Variants in TMEM123 observed in about 807,000 individuals in gnomAD.
The protein encoded by TMEM123 is transmembrane protein 123.
A neutral mutation model predicts 19.7 loss-of-function variants in TMEM123; 16 were observed. The ratio of observed to expected loss-of-function variants is 0.81; its 90% CI spans 0.55 to 1.23. The LOEUF is 1.23. Ranked by LOEUF, TMEM123 falls within the 50% of genes most tolerant of loss-of-function variation. TMEM123 has a pLI of 0.00. For synonymous variants in TMEM123, 118 were observed against 99.4 expected, an observed-to-expected ratio of 1.19 and a Z score of -1.12; for missense variants, 313 against 257.8, an observed-to-expected ratio of 1.21 and a Z score of -1.47.
chr11:102,413,473 AC>A (rs1246022355), intron 2 of TMEM123, among the ~76,000 whole-genome samples: 2 of 152,042 alleles, frequency 1.3e-5, no homozygotes, highest in Non-Finnish European at 2.9e-5. Context: ...TTTTGCTGGC[AC>A]CCCCACATTG....
intron 2 of TMEM123, among the ~76,000 whole-genome samples, chr11:102,429,886 T>C (rs1225541711): frequency 1.3e-5 from 2 of 152,188 alleles, no homozygotes; most frequent in African/African-American, 2.4e-5. Flanking sequence ...CAGATGCTCC[T>C]GCCTTGCCAA....
chr11:102,448,667 C>G (rs1857907869), intron 2 of TMEM123, 145 bp downstream of exon 2: 1 of 697,084 alleles, frequency 1.4e-6, no homozygotes, highest in African/African-American at 1.8e-5. Context: ...CTATAGGGCA[C>G]TAGGGCAGGT....
chr11:102,412,115 C>G (rs1016304000), intron 2 of TMEM123, among the ~76,000 whole-genome samples: 1 of 152,156 alleles, frequency 6.6e-6, no homozygotes, highest in South Asian at 2.1e-4. Flanking sequence ...CCAGTCTATA[C>G]ATCATATTAA....
intron 2 of TMEM123, among the ~76,000 whole-genome samples, chr11:102,405,501 G>A (rs1383539213): frequency 6.6e-6 from 1 of 152,098 alleles, no homozygotes; most frequent in Non-Finnish European, 1.5e-5. Context: ...ATGTTCTATA[G>A]AGATATAAGT....
At chr11:102,419,538 T>A (rs1312627427) in intron 2 of TMEM123, among the ~76,000 whole-genome samples, 3 of 152,212 alleles carry the variant, frequency 2.0e-5, no homozygotes, top group Non-Finnish European at 4.4e-5. Flanking sequence ...GGCAACTGCG[T>A]GTCCAGTCTG....
chr11:102,397,989 A>G lies in TMEM123; in HGVS notation c.*878T>C, dbSNP rs1339237379. The G allele has an allele frequency of 1.3e-5, 2 of 152,212 alleles. No individual in the cohort carries two copies. Among genetic ancestry groups the G allele is most frequent in the African/African-American group, 2.4e-5 (1 of 41,466 alleles). 9.4% of individuals were successfully genotyped at this position (152,212 alleles called of 1,614,324 possible). A position where few individuals can be genotyped will look rare whatever the true frequency, so the allele number is the denominator to read the frequency against. On this transcript the variant is annotated 3_prime_UTR_variant, in exon 5 of 5. Coordinates refer to ENST00000398136, the MANE Select transcript of TMEM123 (RefSeq NM_052932.3). ...CTACAGTTCTTAAAATATTCACAAA[A>G]TATAAAATTAAAATTAAATGAACTA...
At chr11:102,441,318 A>G (rs1246603402) in intron 2 of TMEM123, among the ~76,000 whole-genome samples, 4 of 152,224 alleles carry the variant, frequency 2.6e-5, no homozygotes, top group African/African-American at 9.6e-5. Context: ...GCAAATGTAA[A>G]AGAACAGAAA....
At position 102,452,665 on chromosome 11, in the gene TMEM123, C is replaced by CGAG; in HGVS notation, c.-45_-43dup. 1 of 1,397,644 alleles carries CGAG rather than the reference C, an allele frequency of 7.2e-7. No homozygotes were observed. The highest frequency in any genetic ancestry group is 9.4e-7 in the Non-Finnish European group (1 of 1,064,908). The allele number at this position is 1,397,644 out of a possible 1,614,324, so 86.6% of individuals were successfully genotyped here. A position where few individuals can be genotyped will look rare whatever the true frequency, so the allele number is the denominator to read the frequency against. On this transcript the variant is annotated 5_prime_UTR_variant, in exon 1 of 5. Transcript: ENST00000398136. Reference sequence around the variant, plus strand: ...TGCGGCAGCCTCGTGGGCTCCCAGCCGAGGTGGCGGCGGCGAGAGCGGCTC... The same window carrying CGAG: ...TGCGGCAGCCTCGTGGGCTCCCAGCCGAGGAGGTGGCGGCGGCGAGAGCGGCTC...
chr11:102,435,937 C>T (rs1013957564), intron 2 of TMEM123, among the ~76,000 whole-genome samples: 32 of 151,530 alleles, frequency 2.1e-4, no homozygotes, highest in Non-Finnish European at 4.0e-4. Context: ...TGAAACTGTT[C>T]GAAACTTGAC....
At chr11:102,447,374 T>TA (rs1464444151) in intron 2 of TMEM123, among the ~76,000 whole-genome samples, 1 of 152,240 alleles carries the variant, frequency 6.6e-6, no homozygotes, top group Non-Finnish European at 1.5e-5. Context: ...ATGTGACACT[T>TA]AGTGTCATGT....
chr11:102,427,157 T>A (rs1952135821), intron 2 of TMEM123, among the ~76,000 whole-genome samples: 1 of 151,636 alleles, frequency 6.6e-6, no homozygotes, highest in Non-Finnish European at 1.5e-5. Flanking sequence ...TCTAGCTAGC[T>A]CACTGACAAA....
intron 2 of TMEM123, among the ~76,000 whole-genome samples, chr11:102,420,076 CA>C (rs1383879477): frequency 6.6e-6 from 1 of 152,142 alleles, no homozygotes; most frequent in Non-Finnish European, 1.5e-5. Flanking sequence ...TATGCACAAA[CA>C]TGAATTATAT....
chr11:102,410,614 A>G (rs1009025902), intron 2 of TMEM123, among the ~76,000 whole-genome samples: 3 of 151,900 alleles, frequency 2.0e-5, no homozygotes, highest in African/African-American at 7.3e-5. Flanking sequence ...TCATCCTGGC[A>G]TCCTTGCTCT....
chr11:102,428,393 C>A (rs1318281238), intron 2 of TMEM123, among the ~76,000 whole-genome samples: 1 of 152,082 alleles, frequency 6.6e-6, no homozygotes, highest in Non-Finnish European at 1.5e-5. Flanking sequence ...CCTCCACCTC[C>A]AGGGTTTAAG....
At chr11:102,434,153 T>C (rs934961126) in intron 2 of TMEM123, among the ~76,000 whole-genome samples, 2 of 151,934 alleles carry the variant, frequency 1.3e-5, no homozygotes, top group African/African-American at 4.8e-5. Context: ...TTTTAATTTT[T>C]TGAGGAACTT....
At chr11:102,401,415 G>A in intron 4 of TMEM123, 124 bp downstream of exon 4, 1 of 863,230 alleles carries the variant, frequency 1.2e-6, no homozygotes, top group Non-Finnish European at 1.6e-6. Context: ...AGGGTTAATG[G>A]GAATATAACT....
In TMEM123 at chr11:102,428,565, G is replaced by A. The variant is rs535613543; in HGVS notation, c.157+20247C>T. Among the ~76,000 whole-genome samples the A allele has an allele frequency of 1.1e-4, 17 of 150,354 alleles. No individual in the cohort carries two copies. In the East Asian group the frequency reaches 1.6e-3, roughly 14 times the overall value. On this transcript the variant is annotated intron_variant, in intron 2 of 4. Transcript: ENST00000398136. ...CAGGTGATCCACCCAGCTTGGCCTC[G>A]CAAAGTGCTGGGATTACAGGTGTAA...
Position 102,405,294 on chromosome 11 carries a change from T to C in TMEM123, c.158-3088A>G, listed in dbSNP as rs753307948. ...GATCTGATCTCCTGACCTTGTGATCTGCCCGCCTCAGCCTCCCAAAGTGCT... is the reference window on the plus strand; with the variant it reads ...GATCTGATCTCCTGACCTTGTGATCCGCCCGCCTCAGCCTCCCAAAGTGCT... On this transcript the variant is annotated intron_variant, in intron 2 of 4. Coordinates refer to ENST00000398136, the MANE Select transcript of TMEM123 (RefSeq NM_052932.3). Among the ~76,000 whole-genome samples, 16 of 152,088 alleles carry C rather than the reference T, an allele frequency of 1.1e-4. No homozygotes were observed. The South Asian group carries it at 3.3e-3, about 32-fold the overall frequency.
At chr11:102,451,055 G>A (rs765315410) in intron 1 of TMEM123, 1 of 152,092 alleles carries the variant, frequency 6.6e-6, no homozygotes, top group Admixed American at 6.5e-5. Context: ...TGAATTCAGG[G>A]CTCGCCTACT....
Sources: allele counts gnomAD v4.1 joint callset (sites outside exome capture counted in the v4.1 genomes callset), GRCh38; gene constraint gnomAD v4.1.1; transcripts MANE v1.5; gene names NCBI Gene and HGNC (gene_info 2026-07-23, HGNC 2026-07-21).